DDX23: variants seen among roughly 807,000 people sequenced by gnomAD.
DDX23 encodes the protein DEAD-box helicase 23.
Under a neutral mutation model 102.7 loss-of-function variants are expected in DDX23, and 33 were observed. The ratio of observed to expected loss-of-function variants is 0.32; its 90% CI spans 0.24 to 0.43. DDX23 has a LOEUF of 0.43. DDX23 is among the 20% of genes least tolerant of loss of function. The pLI, the probability that DDX23 is intolerant of heterozygous loss-of-function variation, is 1.00. For missense variants in DDX23, 549 were observed against 1,086.6 expected, an observed-to-expected ratio of 0.51 and a Z score of 6.96; for synonymous variants, 352 against 376.0, an observed-to-expected ratio of 0.94 and a Z score of 0.74.
rs1938423010 is a variant in DDX23, at chr12:48,833,639, T to C, written c.1561-120A>G. On this transcript the variant is annotated intron_variant, in intron 12 of 16. Transcript: ENST00000308025. ...GCTGAGGAACTTGGACCCCAACCTC[T>C]GGTTATGTTTAGCAGTAAAGGCTCC... The C allele has an allele frequency of 1.1e-5, 14 of 1,296,140 alleles. No homozygotes were observed. In the East Asian group the frequency reaches 3.2e-4, roughly 30 times the overall value. The allele number at this position is 1,296,140 out of a possible 1,614,324, so 80.3% of individuals were successfully genotyped here.
At position 48,832,886 on chromosome 12, in the gene DDX23, C is replaced by G. The variant is rs745432973; in HGVS notation, c.1804-313G>C. The G allele has an allele frequency of 3.7e-5, 17 of 463,054 alleles. No individual in the cohort carries two copies. The highest frequency in any genetic ancestry group is 6.2e-5 in the Non-Finnish European group (16 of 257,498). 28.7% of individuals were successfully genotyped at this position (463,054 alleles called of 1,614,324 possible). ...TAAATGGCTCCACCCTTAGGACTGTCAGAGGACTGTACCTAGGCACACTTC... is the reference window on the plus strand; with the variant it reads ...TAAATGGCTCCACCCTTAGGACTGTGAGAGGACTGTACCTAGGCACACTTC... On this transcript the variant is annotated intron_variant, in intron 13 of 16. Transcript: ENST00000308025. The surrounding 1 kb of genome is among the most constrained non-coding windows in gnomAD (Gnocchi z 4.4).
chr12:48,833,280 G>A lies in DDX23; in HGVS notation c.1800C>T (p.Arg600=). The change falls in exon 13 of 17, where the codon CGC becomes CGT. Residue 600 remains arginine (R), a synonymous_variant. Coordinates refer to ENST00000308025, the MANE Select transcript of DDX23 (RefSeq NM_004818.3). ...CAGCCCAGGGAAGCAGCCTTACTTG[G>A]CGGTACTTATGTTTTCCCGACTCAA... The part of the protein sequence containing the change: ...ANFESGKHKY[R]QTVMFTATMP... The A allele has an allele frequency of 2.5e-6, 4 of 1,614,154 alleles. No individual in the cohort carries two copies. The highest frequency in any genetic ancestry group is 3.4e-6 in the Non-Finnish European group (4 of 1,180,022).
At chr12:48,844,656 A>G (rs963084857) in intron 2 of DDX23, among the ~76,000 whole-genome samples, 2 of 148,992 alleles carry the variant, frequency 1.3e-5, no homozygotes, top group African/African-American at 5.0e-5. Flanking sequence ...TATTTTTAGT[A>G]GAGATCAGGT....
intron 7 of DDX23, 23 bp from the exon 8 acceptor site, chr12:48,837,416 G>C (rs373444963): frequency 1.9e-6 from 3 of 1,613,158 alleles, no homozygotes; most frequent in African/African-American, 2.7e-5. Context: ...AGAACACAAA[G>C]CACATGAGCT....
intron 8 of DDX23, 55 bp from the exon 9 acceptor site, chr12:48,837,092 AG>A: frequency 1.9e-6 from 3 of 1,609,176 alleles, no homozygotes; most frequent in Non-Finnish European, 1.7e-6. Flanking sequence ...GGCAGTAGGA[AG>A]GAAGGGCAGA....
chr12:48,851,479 AAAAAG>A (rs1171980030), intron 1 of DDX23, among the ~76,000 whole-genome samples: 1 of 152,190 alleles, frequency 6.6e-6, no homozygotes, highest in East Asian at 1.9e-4. Context: ...TCTCAAAAAA[AAAAAG>A]AAAAGAAAAG....
Position 48,830,640 on chromosome 12 carries a change from G to A in DDX23, c.2292C>T (p.Ala764=), listed in dbSNP as rs2137479254. The change falls in exon 17 of 17, where the codon GCC becomes GCT. Residue 764 remains alanine (A), a synonymous_variant. Transcript: ENST00000308025. The surrounding 1 kb of genome is among the most constrained non-coding windows in gnomAD (Gnocchi z 4.9). ...RTGRAGKSGV[A]ITFLTKEDSA... ...AGTCCTCTTTTGTGAGGAAGGTGAT[G>A]GCCACCCCACTCTTGCCTGCTCGTC... The A allele has an allele frequency of 6.2e-7, 1 of 1,614,040 alleles. No homozygotes were observed.
chr12:48,840,550 A>ATTT (rs747756955), intron 3 of DDX23, among the ~76,000 whole-genome samples: 3 of 131,916 alleles, frequency 2.3e-5, no homozygotes, highest in Non-Finnish European at 3.2e-5. Flanking sequence ...TTAGAGAAAA[A>ATTT]TTTTTTTTTT....
At position 48,837,976 on chromosome 12, in the gene DDX23, C is replaced by A; in HGVS notation, c.585G>T (p.Arg195Ser). The A allele has an allele frequency of 6.2e-7, 1 of 1,613,622 alleles. No individual in the cohort carries two copies. The highest frequency in any genetic ancestry group is 8.5e-7 in the Non-Finnish European group (1 of 1,180,032). Reference protein sequence around the residue: ...QRMLEEERKKRKQFQDLGRKM... With the variant: ...QRMLEEERKKSKQFQDLGRKM... The stretch of plus-strand genomic sequence containing the variant: ...TCCTGCCCAAGTCTTGGAACTGTTT[C>A]CTTTTCTTCCTCTCTTCTTCAAGCA... Residue 195 changes from arginine (R) to serine (S), a missense_variant, in exon 6 of 17, where the codon AGG becomes AGT. Arg to Ser is a moderately radical substitution (Grantham distance 110). Coordinates refer to ENST00000308025, the MANE Select transcript of DDX23 (RefSeq NM_004818.3).
At chr12:48,848,566 G>A (rs1455248393) in intron 1 of DDX23, among the ~76,000 whole-genome samples, 1 of 143,778 alleles carries the variant, frequency 7.0e-6, no homozygotes, top group East Asian at 2.5e-4. Context: ...AACTAGCTTA[G>A]CATGTTTGTC....
At chr12:48,848,359 T>C (rs1175848393) in intron 1 of DDX23, among the ~76,000 whole-genome samples, 3 of 150,660 alleles carry the variant, frequency 2.0e-5, no homozygotes, top group East Asian at 1.9e-4. Context: ...TAAATTCTAG[T>C]GTAGCGGAAA....
At chr12:48,848,906 A>G (rs553602032) in intron 1 of DDX23, among the ~76,000 whole-genome samples, 13 of 152,080 alleles carry the variant, frequency 8.5e-5, no homozygotes, top group Admixed American at 3.9e-4. Flanking sequence ...CGCGTGCCAC[A>G]CCACGCCTGG....
rs1469716994 is a variant in DDX23 at position 48,845,777 on chromosome 12, T to A, written c.6A>T (p.Ala2=). Residue 2 remains alanine, a synonymous_variant, in exon 2 of 17, where the codon GCA becomes GCT. Transcript: ENST00000308025. M[A]GELADKKDRD... is the part of the protein sequence containing the mutation. ...GGTCCTTTTTGTCAGCCAGCTCTCC[T>A]GCCATCTGTAATGAGTAGGAAGAGT... 2 of 1,614,122 alleles carry A rather than the reference T, an allele frequency of 1.2e-6. No individual in the cohort carries two copies. The highest frequency in any genetic ancestry group is 1.7e-6 in the Non-Finnish European group (2 of 1,180,006).
Position 48,837,420 on chromosome 12 carries a change from A to G in DDX23, c.754-27T>C, listed in dbSNP as rs762804061. 2.0e-5 allele frequency: 32 copies of G among 1,613,062 alleles called. No homozygotes were observed. The East Asian group carries it at 5.1e-4, about 26-fold the overall frequency. The stretch of plus-strand genomic sequence containing the variant: ...TACCCAGGGACAGAACACAAAGCAC[A>G]TGAGCTTTGAGGCCCAATTCTCACA... On this transcript the variant is annotated intron_variant, in intron 7 of 16. Coordinates refer to ENST00000308025, the MANE Select transcript of DDX23 (RefSeq NM_004818.3).
In DDX23 at chr12:48,839,792, G is replaced by T; in HGVS notation, c.480+52C>A. On this transcript the variant is annotated intron_variant, in intron 5 of 16. Coordinates refer to ENST00000308025, the MANE Select transcript of DDX23 (RefSeq NM_004818.3). ...TGTCGTTGAAGTCACCCAGTCTGTG[G>T]TATTGTGTTATGGCAGCCTGAGCCG... The T allele has an allele frequency of 1.9e-6, 3 of 1,578,510 alleles. No individual in the cohort carries two copies. The South Asian group carries it at 3.4e-5, about 18-fold the overall frequency.
Position 48,831,140 on chromosome 12 carries a change from A to G in DDX23, c.2239+2T>C. ...ATTGAAGCTGCTTTCCCTGGAACTT[A>G]CCTTCAATATTTTTGGCCATATCAT... On this transcript the variant is annotated splice_donor_variant, in intron 16 of 16. Coordinates refer to ENST00000308025, the MANE Select transcript of DDX23 (RefSeq NM_004818.3). LOFTEE classifies it high-confidence loss of function. 3.7e-6 allele frequency: 6 copies of G among 1,614,000 alleles called. No homozygotes were observed. The highest frequency in any genetic ancestry group is 5.1e-6 in the Non-Finnish European group (6 of 1,179,874).
rs1938466337 is a variant in DDX23, at chr12:48,836,232, A to G, written c.1271T>C (p.Ile424Thr). ...PTPIQRQAIP[I>T]GLQNRDIIGV... ...AATGATGTCACGATTCTGTAGCCCA[A>G]TGGGAATTGCCTGACGCTGTATAGG... The change falls in exon 11 of 17, where the codon ATT becomes ACT. Residue 424 changes from isoleucine (I) to threonine (T), a missense_variant. Physicochemically the swap from Ile to Thr is moderately conservative, Grantham distance 89. Transcript: ENST00000308025. The surrounding 1 kb of genome is among the most constrained non-coding windows in gnomAD (Gnocchi z 6.1). 3 of 1,614,160 alleles carry G rather than the reference A, an allele frequency of 1.9e-6. No homozygotes were observed. Among genetic ancestry groups the G allele is most frequent in the Non-Finnish European group, 2.5e-6 (3 of 1,180,028 alleles).
Position 48,834,383 on chromosome 12 carries a change from A to G in DDX23, c.1497T>C (p.Thr499=), listed in dbSNP as rs146154375. Residue 499 remains threonine, a synonymous_variant, in exon 12 of 17, where the codon ACT becomes ACC. Coordinates refer to ENST00000308025, the MANE Select transcript of DDX23 (RefSeq NM_004818.3). ...TGGAGATGCCACCAATGACAGCCAC[A>G]GTGCGGATACCTAGCGGTTTCCCAA... ...IKFGKPLGIR[T]VAVIGGISRE... is the part of the protein sequence containing the mutation. 17 of 1,614,054 alleles carry G rather than the reference A, an allele frequency of 1.1e-5. No individual in the cohort carries two copies. The highest frequency in any genetic ancestry group is 1.7e-5 in the Admixed American group (1 of 59,994).
At chr12:48,851,493 A>AG (rs1938758408) in intron 1 of DDX23, among the ~76,000 whole-genome samples, 1 of 152,144 alleles carries the variant, frequency 6.6e-6, no homozygotes, top group Admixed American at 6.5e-5. Flanking sequence ...AGAAAAGAAA[A>AG]GAAAAAAAAG....
Sources: allele counts gnomAD v4.1 joint callset (sites outside exome capture counted in the v4.1 genomes callset), GRCh38; gene constraint gnomAD v4.1.1; non-coding constraint Gnocchi (gnomAD v3.1); transcripts MANE v1.5; gene names NCBI Gene and HGNC (gene_info 2026-07-23, HGNC 2026-07-21).